PRKCE: variants seen among roughly 807,000 people sequenced by gnomAD.
PRKCE encodes the protein protein kinase C epsilon type.
Under a neutral mutation model 85.4 loss-of-function variants are expected in PRKCE, and 16 were observed. The ratio of observed to expected loss-of-function variants is 0.19; its 90% CI spans 0.13 to 0.28. PRKCE has a LOEUF of 0.28. Among genes scored for constraint, PRKCE ranks in the 10% least tolerant of loss-of-function variants. The probability of loss-of-function intolerance (pLI) is 1.00; values close to 1 mark genes in which losing one functional copy is unlikely to be tolerated. For synonymous variants in PRKCE, 388 were observed against 371.5 expected, an observed-to-expected ratio of 1.04 and a Z score of -0.51; for missense variants, 573 against 975.2, an observed-to-expected ratio of 0.59 and a Z score of 5.49.
At chr2:45,889,662 A>G (rs1476493312) in intron 2 of PRKCE, among the ~76,000 whole-genome samples, 3 of 152,190 alleles carry the variant, frequency 2.0e-5, no homozygotes, top group Non-Finnish European at 1.5e-5. Context: ...GGCATGCCTT[A>G]AATAGACTTC....
chr2:45,814,199 G>A (rs574741170), intron 1 of PRKCE, among the ~76,000 whole-genome samples: 2 of 152,348 alleles, frequency 1.3e-5, no homozygotes, highest in African/African-American at 4.8e-5. Context: ...TTGGTGCCAG[G>A]TTGAGAAAAA....
At chr2:45,753,764 T>C (rs1448705633) in intron 1 of PRKCE, among the ~76,000 whole-genome samples, 3 of 152,240 alleles carry the variant, frequency 2.0e-5, no homozygotes, top group African/African-American at 7.2e-5. Context: ...CATTTTTGCT[T>C]CATCTTTTTC....
intron 11 of PRKCE, among the ~76,000 whole-genome samples, chr2:46,103,753 A>G (rs538892761): frequency 1.3e-5 from 2 of 152,322 alleles, no homozygotes; most frequent in South Asian, 4.1e-4. Flanking sequence ...GAAAATATTT[A>G]TAGAAAATCA....
At chr2:45,930,075 C>G (rs60475726) in intron 2 of PRKCE, among the ~76,000 whole-genome samples, 2,732 of 152,322 alleles carry the variant, frequency 0.018, 79 homozygotes, top group African/African-American at 0.062. Context: ...GAACCCTGCT[C>G]TTATTATTCA....
At chr2:45,751,849 G>T (rs999596298) in intron 1 of PRKCE, among the ~76,000 whole-genome samples, 1 of 93,852 alleles carries the variant, frequency 1.1e-5, no homozygotes, top group African/African-American at 4.1e-5. Context: ...ACGGAGGCTC[G>T]CTCTGTCGCC....
chr2:45,805,721 CA>C (rs1158502653), intron 1 of PRKCE, among the ~76,000 whole-genome samples: 2 of 151,974 alleles, frequency 1.3e-5, no homozygotes, highest in African/African-American at 4.8e-5. Flanking sequence ...CTCAGCCACC[CA>C]AGTAGCTGGG....
Position 46,004,738 on chromosome 2 carries a change from A to G in PRKCE, c.1063+100A>G. 1 of 1,006,182 alleles carries G rather than the reference A, an allele frequency of 9.9e-7. No individual in the cohort carries two copies. The highest frequency in any genetic ancestry group is 1.5e-6 in the Non-Finnish European group (1 of 671,004). 62.3% of individuals were successfully genotyped at this position (1,006,182 alleles called of 1,614,324 possible). A position where few individuals can be genotyped will look rare whatever the true frequency, so the allele number is the denominator to read the frequency against. ...AACCAAGAGTGAGCTTGTTAGCTGA[A>G]ATAGCTAGCAGCCCTGGTGGGTTTT... is the stretch of plus-strand genomic sequence containing the variant. On this transcript the variant is annotated intron_variant, in intron 8 of 14. Transcript: ENST00000306156. This position sits in a 1 kb window ranked among gnomAD's most constrained non-coding sequence, Gnocchi z 4.1.
intron 2 of PRKCE, among the ~76,000 whole-genome samples, chr2:45,861,249 C>G (rs558972800): frequency 6.6e-6 from 1 of 152,250 alleles, no homozygotes; most frequent in East Asian, 1.9e-4. Flanking sequence ...TGGTTCTAAC[C>G]TCCACAGGCA....
intron 2 of PRKCE, among the ~76,000 whole-genome samples, chr2:45,974,864 G>T (rs147193711): frequency 1.2e-4 from 18 of 152,194 alleles, no homozygotes; most frequent in Admixed American, 7.8e-4. Context: ...CTGTGCAGGG[G>T]ACCTTCTAGG....
At chr2:45,666,147 C>G (rs983989386) in intron 1 of PRKCE, among the ~76,000 whole-genome samples, 51 of 152,170 alleles carry the variant, frequency 3.4e-4, no homozygotes, top group African/African-American at 1.2e-3. Flanking sequence ...GACTACCTAG[C>G]TGGTTTTAAA....
chr2:45,961,606 G>C (rs1701382595), intron 2 of PRKCE, among the ~76,000 whole-genome samples: 1 of 152,216 alleles, frequency 6.6e-6, no homozygotes, highest in Non-Finnish European at 1.5e-5. Flanking sequence ...CAGTTCAGGA[G>C]CAGCTTTAGC....
At chr2:46,034,878 C>A (rs941764581) in intron 10 of PRKCE, among the ~76,000 whole-genome samples, 1 of 152,256 alleles carries the variant, frequency 6.6e-6, no homozygotes, top group Non-Finnish European at 1.5e-5. Flanking sequence ...AGGTTTGCAC[C>A]TTTGCAAACC....
chr2:45,924,574 T>G (rs185585073), intron 2 of PRKCE, among the ~76,000 whole-genome samples: 61 of 152,224 alleles, frequency 4.0e-4, no homozygotes, highest in African/African-American at 1.5e-3. Context: ...GTTGTTTAAC[T>G]CACCAGGAAA....
Position 45,651,941 on chromosome 2 carries a change from GCCCGCGC to G in PRKCE, c.-158_-152del. The G allele has an allele frequency of 3.5e-6, 2 of 575,492 alleles. No homozygotes were observed. Among genetic ancestry groups the G allele is most frequent in the Non-Finnish European group, 6.0e-6 (2 of 332,592 alleles). The allele number at this position is 575,492 out of a possible 1,614,324, so 35.6% of individuals were successfully genotyped here. On this transcript the variant is annotated 5_prime_UTR_variant, in exon 1 of 15. The change abolishes the stop of an existing upstream ORF in the 5' untranslated region. Transcript: ENST00000306156. ...GAAATACATGCACTGGCTGAGAATCGCCCGCGCCAGGGCGCAACGCCACAAGGTGTAG... is the reference window on the plus strand; with the variant it reads ...GAAATACATGCACTGGCTGAGAATCGCAGGGCGCAACGCCACAAGGTGTAG...
In PRKCE at chr2:46,022,416, C is replaced by T. The variant is rs570987004; in HGVS notation, c.1437+11899C>T. Among the ~76,000 whole-genome samples the T allele has an allele frequency of 3.3e-5, 5 of 152,296 alleles. No homozygotes were observed. In the South Asian group the frequency reaches 1.0e-3, roughly 32 times the overall value. Reference sequence around the variant, plus strand: ...TGCATGAGTGAGACAAGGACAATGACAAAGTCAGTGAACAGTCCTTCTGTT... The same window carrying T: ...TGCATGAGTGAGACAAGGACAATGATAAAGTCAGTGAACAGTCCTTCTGTT... On this transcript the variant is annotated intron_variant, in intron 10 of 14. Coordinates refer to ENST00000306156, the MANE Select transcript of PRKCE (RefSeq NM_005400.3).
intron 11 of PRKCE, among the ~76,000 whole-genome samples, chr2:46,137,614 G>C (rs1158002256): frequency 7.1e-6 from 1 of 141,832 alleles, no homozygotes; most frequent in African/African-American, 2.6e-5. Flanking sequence ...AAAAAAAAAA[G>C]ATCTGGACAG....
chr2:45,872,167 G>C (rs1313782462), intron 2 of PRKCE, among the ~76,000 whole-genome samples: 3 of 152,168 alleles, frequency 2.0e-5, no homozygotes, highest in Non-Finnish European at 4.4e-5. Context: ...TGAACTGTAG[G>C]GGGTGGGGAT....
chr2:45,746,407 G>A (rs1683140119), intron 1 of PRKCE, among the ~76,000 whole-genome samples: 1 of 152,152 alleles, frequency 6.6e-6, no homozygotes. Flanking sequence ...AGGGCACCTG[G>A]CCCATAGTGG....
chr2:46,129,797 A>G (rs1447531094), intron 11 of PRKCE, among the ~76,000 whole-genome samples: 2 of 152,222 alleles, frequency 1.3e-5, no homozygotes, highest in Non-Finnish European at 2.9e-5. Flanking sequence ...CTGCTGAGTT[A>G]TGTTGTAAGA....
Sources: gnomAD v4.1 joint callset for allele counts (sites outside exome capture counted in the v4.1 genomes callset) on GRCh38, gnomAD v4.1.1 for gene constraint, Gnocchi (gnomAD v3.1) non-coding constraint, MANE v1.5 for transcripts, NCBI Gene and HGNC (gene_info 2026-07-23, HGNC 2026-07-21) for gene names.